The following KHDRBS2 variants were observed in gnomAD, a reference collection of about 807,000 sequenced individuals.
KHDRBS2 encodes KH domain-containing, RNA-binding, signal transduction-associated protein 2.
KHDRBS2 carries 26 observed loss-of-function variants against 44.3 expected under a neutral mutation model. The observed-to-expected ratio is 0.59, with a 90% CI of 0.43 to 0.81. KHDRBS2 has a LOEUF of 0.81. Among genes scored for constraint, KHDRBS2 ranks in the 40% least tolerant of loss-of-function variants. The pLI, the probability that KHDRBS2 is intolerant of heterozygous loss-of-function variation, is 0.00. For missense variants in KHDRBS2, 476 were observed against 433.1 expected (o/e 1.10, Z -0.88); for synonymous variants, 194 against 151.1 (o/e 1.28, Z -2.08).
intron 6 of KHDRBS2, chr6:61,816,695 A>G (rs1789004782): frequency 2.4e-6 from 1 of 418,638 alleles, no homozygotes; most frequent in Non-Finnish European, 4.9e-6. Flanking sequence ...GCAAAGACAG[A>G]CTCATTTATT....
the KHDRBS2 span, among the ~76,000 whole-genome samples, chr6:61,573,326 A>G: frequency 2.0e-5 from 3 of 152,192 alleles, no homozygotes; most frequent in Non-Finnish European, 4.4e-5. Context: ...AAATGACACA[A>G]ACAAATGGAA....
chr6:62,277,651 T>C lies in KHDRBS2; in HGVS notation c.91+8207A>G, dbSNP rs116415435. ...GCCACTGTGCCCGGCCCATATGCAG[T>C]TTTTAACAACACACATTCAAGGGCA... is the stretch of plus-strand genomic sequence containing the variant. On this transcript the variant is annotated intron_variant, in intron 1 of 8. Coordinates refer to ENST00000281156, the MANE Select transcript of KHDRBS2 (RefSeq NM_152688.4). Among the ~76,000 whole-genome samples, 1,078 of 152,240 alleles carry C rather than the reference T, an allele frequency of 7.1e-3. 15 individuals carry two copies. The highest frequency in any genetic ancestry group is 0.024 in the African/African-American group (998 of 41,544).
intron 6 of KHDRBS2, among the ~76,000 whole-genome samples, chr6:61,870,382 G>T (rs1798488494): frequency 6.6e-6 from 1 of 152,144 alleles, no homozygotes; most frequent in Non-Finnish European, 1.5e-5. Flanking sequence ...AAAAAAGGCA[G>T]CAGCCTCATT....
chr6:62,279,477 A>G (rs1416176580), intron 1 of KHDRBS2, among the ~76,000 whole-genome samples: 2 of 152,214 alleles, frequency 1.3e-5, no homozygotes, highest in African/African-American at 4.8e-5. Context: ...CCTTCTACAT[A>G]TAAGACTGAA....
intron 6 of KHDRBS2, among the ~76,000 whole-genome samples, chr6:61,777,701 C>T (rs1782304110): frequency 1.3e-5 from 2 of 152,050 alleles, no homozygotes; most frequent in Non-Finnish European, 2.9e-5. Context: ...AAGGAAATAC[C>T]TTCCTTAGTT....
the KHDRBS2 span, among the ~76,000 whole-genome samples, chr6:61,643,096 T>A: frequency 1.3e-5 from 2 of 152,100 alleles, no homozygotes; most frequent in African/African-American, 2.4e-5. Flanking sequence ...ATATGTATGT[T>A]CTGATATGTA....
intron 1 of KHDRBS2, among the ~76,000 whole-genome samples, chr6:62,229,960 T>C (rs1832631583): frequency 6.6e-6 from 1 of 152,164 alleles, no homozygotes; most frequent in Non-Finnish European, 1.5e-5. Flanking sequence ...CAGCTCCCAG[T>C]TTATTTATAT....
chr6:62,081,777 T>C (rs1294757769), intron 2 of KHDRBS2, among the ~76,000 whole-genome samples: 1 of 152,092 alleles, frequency 6.6e-6, no homozygotes, highest in Non-Finnish European at 1.5e-5. Context: ...TTTGCAGTTA[T>C]CAGCATGGTT....
Position 61,787,005 on chromosome 6 carries a change from G to A in KHDRBS2, c.811-54241C>T, listed in dbSNP as rs576445114. Among the ~76,000 whole-genome samples, 23 of 148,488 alleles carry A rather than the reference G, an allele frequency of 1.5e-4. No homozygotes were observed. The East Asian group carries it at 2.7e-3, about 18-fold the overall frequency. On this transcript the variant is annotated intron_variant, in intron 6 of 8. Transcript: ENST00000281156. ...CTTTGTATATTTTATACAATTGTCAGTATATTTTATATTTTATAATGTAGT... is the reference window on the plus strand; with the variant it reads ...CTTTGTATATTTTATACAATTGTCAATATATTTTATATTTTATAATGTAGT...
At chr6:61,634,670 A>G in the KHDRBS2 span, among the ~76,000 whole-genome samples, 2 of 152,092 alleles carry the variant, frequency 1.3e-5, no homozygotes, top group Admixed American at 1.3e-4. Flanking sequence ...AGTTTCAAAT[A>G]TGTAAAATCT....
intron 6 of KHDRBS2, among the ~76,000 whole-genome samples, chr6:61,871,394 A>G (rs988862873): frequency 1.3e-5 from 2 of 152,200 alleles, no homozygotes; most frequent in African/African-American, 4.8e-5. Flanking sequence ...GGTGTACCTG[A>G]AAGTGATGGG....
the KHDRBS2 span, among the ~76,000 whole-genome samples, chr6:61,599,138 G>A: frequency 7.2e-5 from 11 of 152,074 alleles, 1 homozygote; most frequent in East Asian, 1.9e-3. Context: ...GTTTCACCAT[G>A]TTGCCCAGGC....
intron 2 of KHDRBS2, among the ~76,000 whole-genome samples, chr6:62,145,063 C>G (rs892679482): frequency 2.6e-5 from 4 of 152,082 alleles, no homozygotes; most frequent in Admixed American, 6.6e-5. Flanking sequence ...ATTCTAGCAC[C>G]CTGATTTTTG....
At chr6:62,151,567 G>A (rs1482296384) in intron 2 of KHDRBS2, among the ~76,000 whole-genome samples, 1 of 151,966 alleles carries the variant, frequency 6.6e-6, no homozygotes, top group Non-Finnish European at 1.5e-5. Context: ...TCTTCTCCAG[G>A]CCTATATAAT....
chr6:61,646,762 G>A, the KHDRBS2 span, among the ~76,000 whole-genome samples: 1 of 151,986 alleles, frequency 6.6e-6, no homozygotes, highest in Non-Finnish European at 1.5e-5. Flanking sequence ...GCTCTTTTGT[G>A]TCTGACTTTT....
chr6:61,601,447 C>T, the KHDRBS2 span, among the ~76,000 whole-genome samples: 1 of 152,192 alleles, frequency 6.6e-6, no homozygotes, highest in Middle Eastern at 3.4e-3. Context: ...ACCACTTGAC[C>T]CCAATACAGA....
intron 1 of KHDRBS2, among the ~76,000 whole-genome samples, chr6:62,284,283 G>A (rs1016364191): frequency 6.6e-6 from 1 of 151,892 alleles, no homozygotes; most frequent in African/African-American, 2.4e-5. Context: ...TCCAATTAGC[G>A]GGTCAGAGAG....
At chr6:61,763,931 G>T (rs1474256178) in intron 6 of KHDRBS2, among the ~76,000 whole-genome samples, 1 of 152,090 alleles carries the variant, frequency 6.6e-6, no homozygotes, top group African/African-American at 2.4e-5. Context: ...CCATCACCTA[G>T]TTATTAAGCC....
the KHDRBS2 span, among the ~76,000 whole-genome samples, chr6:61,588,986 G>A: frequency 1.3e-5 from 2 of 152,002 alleles, no homozygotes; most frequent in Non-Finnish European, 2.9e-5. Flanking sequence ...AATGCTGCAT[G>A]TTCTCACTCA....
Sources: gnomAD v4.1 joint callset for allele counts (sites outside exome capture counted in the v4.1 genomes callset) on GRCh38, gnomAD v4.1.1 for gene constraint, MANE v1.5 for transcripts, NCBI Gene and HGNC (gene_info 2026-07-23, HGNC 2026-07-21) for gene names.